Variants in PPP6R1 observed in about 807,000 individuals in gnomAD.
PPP6R1 encodes protein phosphatase 6 regulatory subunit 1, also known as serine/threonine-protein phosphatase 6 regulatory subunit 1.
A neutral mutation model predicts 104.6 loss-of-function variants in PPP6R1; 39 were observed. The ratio of observed to expected loss-of-function variants is 0.37; its 90% CI spans 0.29 to 0.49. PPP6R1 has a LOEUF of 0.49. Among genes scored for constraint, PPP6R1 ranks in the 20% least tolerant of loss-of-function variants. PPP6R1 has a pLI of 0.98. For missense variants in PPP6R1, 1,181 were observed against 1,155.8 expected, an observed-to-expected ratio of 1.02 and a Z score of -0.32; for synonymous variants, 549 against 479.0, an observed-to-expected ratio of 1.15 and a Z score of -1.91.
intron 5 of PPP6R1, among the ~76,000 whole-genome samples, chr19:55,244,458 C>T (rs2087488275): frequency 6.6e-6 from 1 of 152,180 alleles, no homozygotes; most frequent in Non-Finnish European, 1.5e-5. Context: ...CTTAGAAGGA[C>T]AGCAAGGGGT....
intron 1 of PPP6R1, among the ~76,000 whole-genome samples, chr19:55,252,122 C>A (rs1228422495): frequency 6.6e-6 from 1 of 151,970 alleles, no homozygotes; most frequent in Admixed American, 6.6e-5. Flanking sequence ...GGGGATTGGG[C>A]GAAGTTCCTG....
chr19:55,236,786 G>A lies in PPP6R1; in HGVS notation c.1845C>T (p.Asp615=), dbSNP rs1179253040. The A allele has an allele frequency of 6.2e-7, 1 of 1,613,832 alleles. No homozygotes were observed. Among genetic ancestry groups the A allele is most frequent in the Non-Finnish European group, 8.5e-7 (1 of 1,179,860 alleles). The stretch of plus-strand genomic sequence containing the variant: ...CATCATCATCAAACTGCTGGATGCG[G>A]TCCTTGTAGCATATCTCAAGTAGGT... The part of the protein sequence containing the change: ...NANLLEICYK[D]RIQQFDDDEE... The change falls in exon 17 of 24, where the codon GAC becomes GAT. Residue 615 remains aspartate, a synonymous_variant. Coordinates refer to ENST00000412770, the MANE Select transcript of PPP6R1 (RefSeq NM_014931.4).
chr19:55,255,191 G>A (rs370152209), intron 1 of PPP6R1, among the ~76,000 whole-genome samples: 1 of 152,196 alleles, frequency 6.6e-6, no homozygotes, highest in African/African-American at 2.4e-5. Context: ...AACCCCAGAG[G>A]ATGGAATAAC....
chr19:55,231,347 C>T (rs1163509283), intron 21 of PPP6R1, 63 bp downstream of exon 21: 43 of 1,497,790 alleles, frequency 2.9e-5, no homozygotes, highest in Non-Finnish European at 3.5e-5. Context: ...AACCCAGAGC[C>T]CACCTCAGCG....
chr19:55,236,121 A>T (rs1337987116), intron 17 of PPP6R1, among the ~76,000 whole-genome samples: 1 of 148,842 alleles, frequency 6.7e-6, no homozygotes, highest in Non-Finnish European at 1.5e-5. Context: ...GGCTTGAGCC[A>T]CTGTGCCCGG....
Position 55,230,012 on chromosome 19 carries a change from C to G in PPP6R1, c.*516G>C, listed in dbSNP as rs1384998693. 1 of 155,488 alleles carries G rather than the reference C, an allele frequency of 6.4e-6. No homozygotes were observed. Among genetic ancestry groups the G allele is most frequent in the Admixed American group, 6.3e-5 (1 of 15,884 alleles). 9.6% of individuals were successfully genotyped at this position (155,488 alleles called of 1,614,324 possible). Reference sequence around the variant, plus strand: ...GGTCTGGGCAAAGGCACGGCCCCCACTCGGGACCCTCTGGCACCCCCACCC... The same window carrying G: ...GGTCTGGGCAAAGGCACGGCCCCCAGTCGGGACCCTCTGGCACCCCCACCC... On this transcript the variant is annotated 3_prime_UTR_variant, in exon 24 of 24. Coordinates refer to ENST00000412770, the MANE Select transcript of PPP6R1 (RefSeq NM_014931.4).
At chr19:55,239,143 C>T (rs1269337084) in intron 15 of PPP6R1, 39 of 489,184 alleles carry the variant, frequency 8.0e-5, no homozygotes, top group Non-Finnish European at 1.5e-5. Flanking sequence ...GTGTCCCCAG[C>T]ACAGAAGATG....
downstream of PPP6R1, chr19:55,228,730 G>A (rs770493423): frequency 3.1e-6 from 5 of 1,613,136 alleles, no homozygotes; most frequent in Non-Finnish European, 4.2e-6. Context: ...GCCCCGCTTT[G>A]CCAGCGTCCA....
Position 55,242,207 on chromosome 19 carries a change from C to T in PPP6R1, c.804G>A (p.Gly268=), listed in dbSNP as rs2087464796. 2 of 1,613,850 alleles carry T rather than the reference C, an allele frequency of 1.2e-6. No individual in the cohort carries two copies. The highest frequency in any genetic ancestry group is 4.5e-5 in the East Asian group (2 of 44,874). ...CCAGCAGGGTCAGCAGCACCTGGATCCCACTGACGATGACAGACTGGCTCT... is the reference window on the plus strand; with the variant it reads ...CCAGCAGGGTCAGCAGCACCTGGATTCCACTGACGATGACAGACTGGCTCT... ...GEQSQSVIVS[G]IQVLLTLLEP... is the part of the protein sequence containing the mutation. The change falls in exon 7 of 24, where the codon GGG becomes GGA. Residue 268 remains glycine (G), a synonymous_variant. Transcript: ENST00000412770.
chr19:55,252,470 C>A (rs550150325), intron 1 of PPP6R1, among the ~76,000 whole-genome samples: 19 of 151,172 alleles, frequency 1.3e-4, no homozygotes, highest in African/African-American at 4.6e-4. Context: ...GCGATCTCGG[C>A]TCACTGCAAT....
Position 55,236,941 on chromosome 19 carries a change from G to A in PPP6R1, c.1781C>T (p.Thr594Ile). Residue 594 changes from threonine (T) to isoleucine (I), a missense_variant, in exon 16 of 24, where the codon ACC (threonine) becomes ATC (isoleucine). Coordinates refer to ENST00000412770, the MANE Select transcript of PPP6R1 (RefSeq NM_014931.4). ...NAPFDKTANI[T>I]FSLNADDENP... Reference sequence around the variant, plus strand: ...CTCATCGTCAGCATTGAGGGAGAAGGTGATGTTGGCTGTCTTGTCAAAAGG... The same window carrying A: ...CTCATCGTCAGCATTGAGGGAGAAGATGATGTTGGCTGTCTTGTCAAAAGG... 1 of 1,613,438 alleles carries A rather than the reference G, an allele frequency of 6.2e-7. No individual in the cohort carries two copies. The highest frequency in any genetic ancestry group is 1.1e-5 in the South Asian group (1 of 91,066).
At chr19:55,228,253 C>T (rs752369273), downstream of PPP6R1, 32 of 1,612,700 alleles carry the variant, frequency 2.0e-5, no homozygotes, top group Non-Finnish European at 2.7e-5. Context: ...CACAAGGGCT[C>T]CCTGGAGGAG....
chr19:55,241,133 CA>C lies in PPP6R1; in HGVS notation c.1162-55del. 6.6e-7 allele frequency: 1 copy of C among 1,526,016 alleles called. No homozygotes were observed. Among genetic ancestry groups the C allele is most frequent in the South Asian group, 1.2e-5 (1 of 81,864 alleles). The allele number at this position is 1,526,016 out of a possible 1,614,324, so 94.5% of individuals were successfully genotyped here. A position where few individuals can be genotyped will look rare whatever the true frequency, so the allele number is the denominator to read the frequency against. ...AGAGGCCCCGCCCCAGCCGAGCCCC[CA>C]ACCCCTGAGCCCCCAGCCGAGCCCC... On this transcript the variant is annotated intron_variant, in intron 9 of 23. Transcript: ENST00000412770. This position sits in a 1 kb window ranked among gnomAD's most constrained non-coding sequence, Gnocchi z 5.4.
At chr19:55,239,935 A>G (rs1013817060) in intron 12 of PPP6R1, 24 bp from the exon 13 acceptor site, 13 of 1,613,304 alleles carry the variant, frequency 8.1e-6, no homozygotes, top group Non-Finnish European at 8.5e-7. Context: ...AGGGGTGAAG[A>G]CGTGAGGCAT....
Position 55,241,625 on chromosome 19 carries a change from G to C in PPP6R1, c.860C>G (p.Thr287Ser). The change falls in exon 8 of 24, where the codon ACC (threonine) becomes AGC (serine). Residue 287 changes from threonine to serine, a missense_variant. Around this residue, in one of 2 missense-constraint regions of PPP6R1, gnomAD observed 1,042 missense variants for 955.6 expected, o/e 1.09. Coordinates refer to ENST00000412770, the MANE Select transcript of PPP6R1 (RefSeq NM_014931.4). This position sits in a 1 kb window ranked among gnomAD's most constrained non-coding sequence, Gnocchi z 5.4. Reference sequence around the variant, plus strand: ...CACACTGCTGAAGAAGCTGTTCACGGTCACGGACTCGGACCTGCAGCAGGG... The same window carrying C: ...CACACTGCTGAAGAAGCTGTTCACGCTCACGGACTCGGACCTGCAGCAGGG... The part of the protein sequence containing the change: ...EPRRPRSESV[T>S]VNSFFSSVDG... 1 of 1,581,334 alleles carries C rather than the reference G, an allele frequency of 6.3e-7. No homozygotes were observed. Among genetic ancestry groups the C allele is most frequent in the Non-Finnish European group, 8.6e-7 (1 of 1,165,204 alleles).
chr19:55,249,546 A>G (rs1019377274), intron 1 of PPP6R1, among the ~76,000 whole-genome samples: 3 of 152,000 alleles, frequency 2.0e-5, no homozygotes, highest in Non-Finnish European at 4.4e-5. Context: ...CAGACTCCCA[A>G]TATTCCTTCT....
Position 55,230,491 on chromosome 19 carries a change from G to C in PPP6R1, c.*37C>G, listed in dbSNP as rs772242881. The C allele has an allele frequency of 6.2e-7, 1 of 1,612,438 alleles. No homozygotes were observed. Among genetic ancestry groups the C allele is most frequent in the Non-Finnish European group, 8.5e-7 (1 of 1,179,596 alleles). On this transcript the variant is annotated 3_prime_UTR_variant, in exon 24 of 24. Coordinates refer to ENST00000412770, the MANE Select transcript of PPP6R1 (RefSeq NM_014931.4). ...CCCCCACCCCGGGAGATCCACGGGA[G>C]GACGGAAGATTTGGCCGCCGCTGCC...
At chr19:55,247,134 C>T in intron 1 of PPP6R1, 25 bp from the exon 2 acceptor site, 1 of 1,603,330 alleles carries the variant, frequency 6.2e-7, no homozygotes. Context: ...ACAACCAGCG[C>T]CGCGTCAGAC....
Position 55,241,179 on chromosome 19 carries a change from T to C in PPP6R1, c.1161+60A>G, listed in dbSNP as rs1600109451. ...AGCCCCCACCCCAGCCCCCGAACCC[T>C]CAGCCCAGTCCAGTCCCCGCCCCAG... On this transcript the variant is annotated intron_variant, in intron 9 of 23. Transcript: ENST00000412770. The surrounding 1 kb of genome is among the most constrained non-coding windows in gnomAD (Gnocchi z 5.4). 2 of 514,420 alleles carry C rather than the reference T, an allele frequency of 3.9e-6. No homozygotes were observed. The highest frequency in any genetic ancestry group is 5.0e-6 in the Non-Finnish European group (2 of 397,884). The allele number at this position is 514,420 out of a possible 1,614,324, so 31.9% of individuals were successfully genotyped here. A position where few individuals can be genotyped will look rare whatever the true frequency, so the allele number is the denominator to read the frequency against.
Sources: gnomAD v4.1 joint callset for allele counts (sites outside exome capture counted in the v4.1 genomes callset) on GRCh38, gnomAD v4.1.1 for gene constraint, gnomAD v4.1.1 regional missense constraint, Gnocchi (gnomAD v3.1) non-coding constraint, MANE v1.5 for transcripts, NCBI Gene and HGNC (gene_info 2026-07-23, HGNC 2026-07-21) for gene names.